Variants in SEZ6L observed in about 807,000 individuals in gnomAD.
The protein encoded by SEZ6L is seizure 6-like protein.
Under a neutral mutation model 106.2 loss-of-function variants are expected in SEZ6L, and 37 were observed. That is an observed-to-expected ratio of 0.35 (90% CI 0.27 to 0.46). The LOEUF is 0.46. Ranked by LOEUF, SEZ6L falls within the 20% of genes least tolerant of loss-of-function variation. The pLI, the probability that SEZ6L is intolerant of heterozygous loss-of-function variation, is 1.00. For synonymous variants in SEZ6L, 541 were observed against 570.4 expected, an observed-to-expected ratio of 0.95 and a Z score of 0.73; for missense variants, 1,172 against 1,332.8, an observed-to-expected ratio of 0.88 and a Z score of 1.88.
At chr22:26,341,692 CA>C (rs544350729) in intron 10 of SEZ6L, among the ~76,000 whole-genome samples, 164 of 152,170 alleles carry the variant, frequency 1.1e-3, no homozygotes, top group Middle Eastern at 6.8e-3. Flanking sequence ...CACCACTACC[CA>C]ACAGCATCCC....
At chr22:26,212,278 A>G (rs1038229903) in intron 1 of SEZ6L, among the ~76,000 whole-genome samples, 1 of 152,222 alleles carries the variant, frequency 6.6e-6, no homozygotes, top group African/African-American at 2.4e-5. Context: ...TTACAGTCCC[A>G]TGAAGTTTCA....
chr22:26,181,733 A>T (rs922792428), intron 1 of SEZ6L, among the ~76,000 whole-genome samples: 1 of 152,216 alleles, frequency 6.6e-6, no homozygotes, highest in African/African-American at 2.4e-5. Flanking sequence ...TAAAACTTGT[A>T]GAATAGTGGC....
chr22:26,230,257 A>G (rs189541331), intron 1 of SEZ6L, among the ~76,000 whole-genome samples: 2 of 152,084 alleles, frequency 1.3e-5, no homozygotes, highest in Admixed American at 1.3e-4. Context: ...TCACTTTACA[A>G]TTTGGGAAAC....
intron 1 of SEZ6L, among the ~76,000 whole-genome samples, chr22:26,214,620 C>T (rs1362584977): frequency 6.6e-6 from 1 of 152,106 alleles, no homozygotes; most frequent in Non-Finnish European, 1.5e-5. Flanking sequence ...AAGCAGCTTG[C>T]CCAGAGAAAA....
At chr22:26,371,583 G>A (rs977191863) in intron 13 of SEZ6L, among the ~76,000 whole-genome samples, 46 of 151,778 alleles carry the variant, frequency 3.0e-4, no homozygotes, top group Admixed American at 9.9e-4. Flanking sequence ...AGTGGGCTGA[G>A]ATTGCACCAC....
chr22:26,264,700 T>C (rs76656411), intron 1 of SEZ6L, among the ~76,000 whole-genome samples: 1 of 151,996 alleles, frequency 6.6e-6, no homozygotes, highest in Non-Finnish European at 1.5e-5. Flanking sequence ...AGACAATACA[T>C]AAAAAGAAAA....
chr22:26,229,124 G>T (rs1325338220), intron 1 of SEZ6L, among the ~76,000 whole-genome samples: 1 of 152,180 alleles, frequency 6.6e-6, no homozygotes, highest in Non-Finnish European at 1.5e-5. Context: ...AGCCTCCCGA[G>T]TGGCTGGGAT....
chr22:26,304,208 T>C (rs1329602911), intron 5 of SEZ6L, among the ~76,000 whole-genome samples: 1 of 151,836 alleles, frequency 6.6e-6, no homozygotes, highest in Admixed American at 6.6e-5. Flanking sequence ...AAAAATTAGC[T>C]GGGCGCGGTG....
intron 1 of SEZ6L, among the ~76,000 whole-genome samples, chr22:26,227,130 C>T (rs960211564): frequency 9.2e-5 from 14 of 152,212 alleles, no homozygotes; most frequent in Non-Finnish European, 2.1e-4. Context: ...GTGTCTGGCA[C>T]ATAGTAGTCT....
intron 1 of SEZ6L, among the ~76,000 whole-genome samples, chr22:26,221,717 A>C (rs1390621517): frequency 6.6e-6 from 1 of 150,694 alleles, no homozygotes; most frequent in Admixed American, 6.7e-5. Flanking sequence ...TGTGCACCTG[A>C]ATTCATGCGC....
intron 1 of SEZ6L, among the ~76,000 whole-genome samples, chr22:26,282,674 C>G (rs370785526): frequency 6.6e-6 from 1 of 152,156 alleles, no homozygotes; most frequent in East Asian, 1.9e-4. Context: ...TCGAGAGTAC[C>G]TCAAAAATCA....
intron 12 of SEZ6L, among the ~76,000 whole-genome samples, 156 bp from the exon 13 acceptor site, chr22:26,365,216 G>T (rs1258767534): frequency 1.3e-5 from 2 of 152,158 alleles, no homozygotes; most frequent in African/African-American, 4.8e-5. Context: ...AAGACAGAAA[G>T]AACAGTTTGA....
intron 1 of SEZ6L, among the ~76,000 whole-genome samples, chr22:26,244,088 G>C (rs2079237821): frequency 6.6e-6 from 1 of 152,006 alleles, no homozygotes; most frequent in Non-Finnish European, 1.5e-5. Flanking sequence ...ACTTGAACCT[G>C]AGAGGTTGAG....
intron 1 of SEZ6L, among the ~76,000 whole-genome samples, chr22:26,227,957 C>T (rs2078684726): frequency 6.6e-6 from 1 of 152,206 alleles, no homozygotes; most frequent in Non-Finnish European, 1.5e-5. Context: ...GACACAAGCC[C>T]CGCGAGAGTG....
At chr22:26,319,511 C>T (rs1452537101) in intron 9 of SEZ6L, among the ~76,000 whole-genome samples, 2 of 152,200 alleles carry the variant, frequency 1.3e-5, no homozygotes, top group Non-Finnish European at 2.9e-5. Context: ...CTGTATGGTA[C>T]ATTTGACCAT....
At chr22:26,341,066 C>T (rs1454750798) in intron 10 of SEZ6L, among the ~76,000 whole-genome samples, 1 of 152,218 alleles carries the variant, frequency 6.6e-6, no homozygotes, top group South Asian at 2.1e-4. Flanking sequence ...TGTGCAACTT[C>T]TCAAACATCG....
chr22:26,295,867 C>A (rs1030944913), intron 3 of SEZ6L, among the ~76,000 whole-genome samples: 38 of 152,136 alleles, frequency 2.5e-4, no homozygotes, highest in Non-Finnish European at 4.6e-4. Context: ...TGTAGAATCG[C>A]AGCAAAGGAA....
intron 9 of SEZ6L, among the ~76,000 whole-genome samples, chr22:26,330,843 A>G (rs1172562993): frequency 6.6e-6 from 1 of 152,234 alleles, no homozygotes; most frequent in African/African-American, 2.4e-5. Context: ...TGTGCAAACC[A>G]TATATTTATA....
chr22:26,305,890 C>G, intron 5 of SEZ6L, 89 bp from the exon 6 acceptor site: 1 of 189,006 alleles, frequency 5.3e-6, no homozygotes. Flanking sequence ...TCACTTCCTT[C>G]TCTCTCTCTC....
Sources: gnomAD v4.1 joint callset for allele counts (sites outside exome capture counted in the v4.1 genomes callset) on GRCh38, gnomAD v4.1.1 for gene constraint, MANE v1.5 for transcripts, NCBI Gene and HGNC (gene_info 2026-07-23, HGNC 2026-07-21) for gene names.